Variants in MS4A13 observed in about 807,000 individuals in gnomAD.
The protein encoded by MS4A13 is membrane-spanning 4-domains subfamily A member 13.
In MS4A13, 21 loss-of-function variants were observed where a neutral mutation model predicts 18.4. The ratio of observed to expected loss-of-function variants is 1.14; its 90% CI spans 0.81 to 1.64. The LOEUF (loss-of-function observed/expected upper bound fraction) is 1.64, where lower values mean the gene tolerates loss of function less well. Among genes scored for constraint, MS4A13 ranks in the 40% most tolerant of loss-of-function variants. The pLI, the probability that MS4A13 is intolerant of heterozygous loss-of-function variation, is 0.00. For synonymous variants in MS4A13, 62 were observed against 57.2 expected, an observed-to-expected ratio of 1.08 and a Z score of -0.38; for missense variants, 173 against 176.8, an observed-to-expected ratio of 0.98 and a Z score of 0.12.
At chr11:60,542,859 T>TA (rs1565217822), downstream of MS4A13, 1 of 230,446 alleles carries the variant, frequency 4.3e-6, no homozygotes, top group Non-Finnish European at 8.4e-6. Flanking sequence ...TAAGAGACTG[T>TA]AAAAAAGATT....
intron 6 of MS4A13, among the ~76,000 whole-genome samples, chr11:60,532,101 C>G (rs2086772197): frequency 6.6e-6 from 1 of 152,126 alleles, no homozygotes. Context: ...CGTCTTTGAG[C>G]AAGGGAAGAA....
chr11:60,524,304 A>G (rs2086697641), intron 4 of MS4A13, among the ~76,000 whole-genome samples: 1 of 152,194 alleles, frequency 6.6e-6, no homozygotes, highest in South Asian at 2.1e-4. Flanking sequence ...TTTCTGAACT[A>G]TCCAGTTTGG....
intron 3 of MS4A13, among the ~76,000 whole-genome samples, chr11:60,518,808 T>C (rs2086654957): frequency 6.6e-6 from 1 of 152,180 alleles, no homozygotes; most frequent in Non-Finnish European, 1.5e-5. Context: ...TTCAGTGGAA[T>C]TGTGAAGCAA....
downstream of MS4A13, among the ~76,000 whole-genome samples, chr11:60,543,405 G>T (rs1701009912): frequency 6.6e-6 from 1 of 151,930 alleles, no homozygotes; most frequent in African/African-American, 2.4e-5. Context: ...TTAAGCTCTG[G>T]AGTATCAACA....
In MS4A13 at chr11:60,531,414, C is replaced by T. The variant is rs192853499; in HGVS notation, c.402+1954C>T. 4.6e-5 allele frequency among the ~76,000 whole-genome samples: 7 copies of T among 152,282 alleles called. No homozygotes were observed. The East Asian group carries it at 1.4e-3, about 29-fold the overall frequency. ...TGGAAGAATATAAATATGTGCAAAG[C>T]TATACACATACTAAGGAGACAGGAG... On this transcript the variant is annotated intron_variant, in intron 6 of 6. Transcript: ENST00000378186.
intron 2 of MS4A13, among the ~76,000 whole-genome samples, chr11:60,516,718 T>C (rs1170199417): frequency 6.6e-6 from 1 of 152,194 alleles, no homozygotes; most frequent in African/African-American, 2.4e-5. Flanking sequence ...CTGGAACTCA[T>C]ATTGATTCTA....
chr11:60,535,402 G>A (rs1380774758), intron 6 of MS4A13, among the ~76,000 whole-genome samples: 32 of 123,316 alleles, frequency 2.6e-4, no homozygotes, highest in Admixed American at 6.4e-4. Flanking sequence ...ACACCTCTAC[G>A]CAAATAAACT....
At chr11:60,521,336 C>A (rs879842919) in intron 3 of MS4A13, among the ~76,000 whole-genome samples, 2 of 152,148 alleles carry the variant, frequency 1.3e-5, no homozygotes, top group African/African-American at 4.8e-5. Flanking sequence ...ATGGGTTTTT[C>A]TTTTCTATCA....
Position 60,525,307 on chromosome 11 carries a change from A to G in MS4A13, c.287A>G (p.Tyr96Cys), listed in dbSNP as rs750750433. 3.1e-6 allele frequency: 5 copies of G among 1,588,236 alleles called. 1 individual carries two copies. In the East Asian group the frequency reaches 6.8e-5, roughly 22 times the overall value. Residue 96 changes from tyrosine to cysteine, a missense_variant, in exon 5 of 7, where the codon TAC (tyrosine) becomes TGC (cysteine). Physicochemically the swap from Tyr to Cys is radical, Grantham distance 194 (BLOSUM62 -2). Coordinates refer to ENST00000378186, the MANE Select transcript of MS4A13 (RefSeq NM_001012417.3). ...IELSHFNSVS[Y>C]RNYGQAKLGR... Reference sequence around the variant, plus strand: ...TTGTCTCATTTTAATTCTGTGTCATACAGGAATTATGGACAAGCAGTAAGT... The same window carrying G: ...TTGTCTCATTTTAATTCTGTGTCATGCAGGAATTATGGACAAGCAGTAAGT...
chr11:60,532,557 T>C (rs2086778743), intron 6 of MS4A13, among the ~76,000 whole-genome samples: 1 of 152,074 alleles, frequency 6.6e-6, no homozygotes, highest in Non-Finnish European at 1.5e-5. Context: ...AGCACAGCAG[T>C]CTCAGATCAA....
intron 6 of MS4A13, among the ~76,000 whole-genome samples, chr11:60,532,377 G>A (rs2086776347): frequency 6.6e-6 from 1 of 152,194 alleles, no homozygotes; most frequent in South Asian, 2.1e-4. Flanking sequence ...AAGGGGTCAG[G>A]GAGTTCCCTT....
chr11:60,529,063 T>G (rs2086741393), intron 5 of MS4A13, among the ~76,000 whole-genome samples: 1 of 152,168 alleles, frequency 6.6e-6, no homozygotes, highest in East Asian at 1.9e-4. Flanking sequence ...GTTTAGATAG[T>G]GAGCTGTGCC....
At chr11:60,523,317 A>G (rs2086690340) in intron 3 of MS4A13, among the ~76,000 whole-genome samples, 2 of 152,220 alleles carry the variant, frequency 1.3e-5, no homozygotes, top group Non-Finnish European at 2.9e-5. Context: ...AATATGGCAT[A>G]GTTTTATACT....
At position 60,518,164 on chromosome 11, in the gene MS4A13, G is replaced by A. The variant is rs141622117; in HGVS notation, c.81G>A (p.Thr27=). Residue 27 remains threonine (T), a synonymous_variant, in exon 3 of 7, where the codon ACG becomes ACA. Transcript: ENST00000378186. ...YMGQIKGAFG[T]YEPVTYKTGC... is the part of the protein sequence containing the mutation. ...GACAAATTAAAGGAGCCTTTGGAAC[G>A]TATGAACCTGTAACTTACAAAACAG... The A allele has an allele frequency of 1.1e-3, 1,738 of 1,611,830 alleles. No homozygotes were observed. Among genetic ancestry groups the A allele is most frequent in the Non-Finnish European group, 1.3e-3 (1,589 of 1,178,542 alleles).
intron 4 of MS4A13, among the ~76,000 whole-genome samples, 175 bp downstream of exon 4, chr11:60,524,128 A>G (rs941796960): frequency 2.0e-5 from 3 of 152,192 alleles, no homozygotes; most frequent in African/African-American, 7.2e-5. Flanking sequence ...AATATACTGT[A>G]TTGGTTAAAA....
chr11:60,524,281 T>C (rs1476184759), intron 4 of MS4A13, among the ~76,000 whole-genome samples: 1 of 152,224 alleles, frequency 6.6e-6, no homozygotes, highest in Admixed American at 6.5e-5. Flanking sequence ...ATTATACTAC[T>C]GTAAAACTTC....
chr11:60,519,186 T>G (rs1171182552), intron 3 of MS4A13, among the ~76,000 whole-genome samples: 1 of 152,202 alleles, frequency 6.6e-6, no homozygotes, highest in Non-Finnish European at 1.5e-5. Context: ...CCTGATAACA[T>G]TTTATAATAT....
intron 3 of MS4A13, among the ~76,000 whole-genome samples, chr11:60,521,440 G>T (rs1176071324): frequency 6.6e-6 from 1 of 152,148 alleles, no homozygotes; most frequent in Non-Finnish European, 1.5e-5. Context: ...CTCTTGAAAG[G>T]TTTGCTGCTT....
intron 5 of MS4A13, 34 bp from the exon 6 acceptor site, chr11:60,529,331 A>T (rs770654928): frequency 7.2e-6 from 9 of 1,242,626 alleles, no homozygotes; most frequent in Non-Finnish European, 1.0e-5. Flanking sequence ...TAAAGATAAT[A>T]GCATTAAGAT....
Sources: allele counts gnomAD v4.1 joint callset (sites outside exome capture counted in the v4.1 genomes callset), GRCh38; gene constraint gnomAD v4.1.1; transcripts MANE v1.5; gene names NCBI Gene and HGNC (gene_info 2026-07-23, HGNC 2026-07-21).